CAMK4: variants seen among roughly 807,000 people sequenced by gnomAD.
CAMK4 encodes the protein calcium/calmodulin dependent protein kinase IV, also known as calcium/calmodulin-dependent protein kinase type IV.
A neutral mutation model predicts 44.9 loss-of-function variants in CAMK4; 22 were observed. The ratio of observed to expected loss-of-function variants is 0.49; its 90% CI spans 0.35 to 0.70. The LOEUF is 0.70. CAMK4 is among the 30% of genes least tolerant of loss of function. The pLI is 0.01. For synonymous variants in CAMK4, 218 were observed against 215.4 expected (o/e 1.01, Z -0.11); for missense variants, 498 against 586.8 (o/e 0.85, Z 1.56).
At chr5:111,311,174 G>A (rs747806979) in intron 1 of CAMK4, among the ~76,000 whole-genome samples, 6 of 152,062 alleles carry the variant, frequency 3.9e-5, no homozygotes, top group East Asian at 3.9e-4. Context: ...GCAAGGGAAC[G>A]TGACATCGGT....
intron 8 of CAMK4, among the ~76,000 whole-genome samples, chr5:111,475,771 C>T (rs144476588): frequency 8.5e-5 from 13 of 152,294 alleles, no homozygotes; most frequent in African/African-American, 2.2e-4. Flanking sequence ...TCCACTGGCA[C>T]GGTCGACTGG....
intron 1 of CAMK4, among the ~76,000 whole-genome samples, chr5:111,276,463 G>A (rs553743496): frequency 5.9e-5 from 9 of 152,280 alleles, no homozygotes; most frequent in African/African-American, 1.9e-4. Context: ...ATGGTGACAT[G>A]TGTCTGTAGT....
intron 1 of CAMK4, among the ~76,000 whole-genome samples, chr5:111,292,399 ATATG>A (rs1275910246): frequency 2.6e-5 from 4 of 152,122 alleles, no homozygotes; most frequent in African/African-American, 9.7e-5. Context: ...TTGTGTGTGT[ATATG>A]TATGTGTATA....
At chr5:111,309,456 T>A (rs1407248520) in intron 1 of CAMK4, among the ~76,000 whole-genome samples, 3 of 152,088 alleles carry the variant, frequency 2.0e-5, no homozygotes, top group African/African-American at 7.2e-5. Flanking sequence ...ATGTGCCCAT[T>A]TTTGTTGTTG....
chr5:111,273,758 T>TAC (rs370210104), intron 1 of CAMK4, among the ~76,000 whole-genome samples: 1 of 121,338 alleles, frequency 8.2e-6, no homozygotes, highest in Admixed American at 8.3e-5. Context: ...CACACACACA[T>TAC]ACACACACAC....
chr5:111,374,798 A>G (rs1751149229), intron 2 of CAMK4, 52 bp from the exon 3 acceptor site: 2 of 1,117,964 alleles, frequency 1.8e-6, no homozygotes, highest in Middle Eastern at 2.0e-4. Flanking sequence ...TTTCTCTGCT[A>G]CAATGAAGGG....
chr5:111,301,431 T>G (rs1358713927), intron 1 of CAMK4, among the ~76,000 whole-genome samples: 1 of 152,212 alleles, frequency 6.6e-6, no homozygotes, highest in Non-Finnish European at 1.5e-5. Context: ...GATGAAACAC[T>G]TAGAATGGAG....
intron 8 of CAMK4, among the ~76,000 whole-genome samples, chr5:111,476,293 G>T (rs1755240351): frequency 6.6e-6 from 1 of 150,396 alleles, no homozygotes; most frequent in Non-Finnish European, 1.5e-5. Context: ...GTGTGTGTGT[G>T]TTTTGAGATG....
intron 5 of CAMK4, among the ~76,000 whole-genome samples, chr5:111,408,947 G>C (rs770768188): frequency 6.6e-6 from 1 of 152,162 alleles, no homozygotes; most frequent in Non-Finnish European, 1.5e-5. Context: ...GCTCCCATGG[G>C]CATGGGAAGC....
In CAMK4 at chr5:111,324,326, A is replaced by C. The variant is rs186482771; in HGVS notation, c.162-19698A>C. Among the ~76,000 whole-genome samples, 365 of 152,120 alleles carry C rather than the reference A, an allele frequency of 2.4e-3. 3 individuals carry two copies. The highest frequency in any genetic ancestry group is 8.4e-3 in the African/African-American group (349 of 41,554). ...GGAGATGCACTTTAAATATAAAGAC[A>C]AATAGAATGAAAATAAAAGGATATA... On this transcript the variant is annotated intron_variant, in intron 1 of 10. Coordinates refer to ENST00000282356, the MANE Select transcript of CAMK4 (RefSeq NM_001744.6).
chr5:111,341,029 C>G (rs1388213769), intron 1 of CAMK4, among the ~76,000 whole-genome samples: 1 of 150,788 alleles, frequency 6.6e-6, no homozygotes, highest in Non-Finnish European at 1.5e-5. Flanking sequence ...TCTTAAGACC[C>G]TTTACATTTC....
At chr5:111,228,256 A>AC (rs1202478615) in intron 1 of CAMK4, among the ~76,000 whole-genome samples, 1 of 152,112 alleles carries the variant, frequency 6.6e-6, no homozygotes, top group Non-Finnish European at 1.5e-5. Flanking sequence ...CTATTTTGGA[A>AC]CCTTTTTTTT....
At chr5:111,437,627 G>A (rs1451981664) in intron 5 of CAMK4, among the ~76,000 whole-genome samples, 1 of 152,170 alleles carries the variant, frequency 6.6e-6, no homozygotes, top group African/African-American at 2.4e-5. Context: ...TTTCCCTGAG[G>A]AAGTGACATT....
chr5:111,325,702 C>T (rs188537485), intron 1 of CAMK4, among the ~76,000 whole-genome samples: 5 of 152,022 alleles, frequency 3.3e-5, no homozygotes, highest in Admixed American at 6.6e-5. Context: ...TATTCATATC[C>T]TTCGCCCACT....
chr5:111,420,433 A>C (rs754172393), intron 5 of CAMK4, among the ~76,000 whole-genome samples: 26 of 152,064 alleles, frequency 1.7e-4, no homozygotes, highest in Non-Finnish European at 2.2e-4. Flanking sequence ...CCCTTTATTT[A>C]CTTCTCCTGC....
intron 1 of CAMK4, among the ~76,000 whole-genome samples, chr5:111,301,821 G>T (rs1454159268): frequency 6.6e-6 from 1 of 152,090 alleles, no homozygotes; most frequent in African/African-American, 2.4e-5. Context: ...TTCAACTAAA[G>T]TATAAGCCAT....
chr5:111,361,742 A>G (rs1184073207), intron 2 of CAMK4, among the ~76,000 whole-genome samples: 1 of 152,032 alleles, frequency 6.6e-6, no homozygotes, highest in Non-Finnish European at 1.5e-5. Flanking sequence ...TCTTCAGAAA[A>G]GGTGAGAGAA....
intron 1 of CAMK4, among the ~76,000 whole-genome samples, chr5:111,334,439 C>G (rs1388577674): frequency 6.6e-6 from 1 of 151,354 alleles, no homozygotes; most frequent in East Asian, 2.0e-4. Context: ...AAAGCTGTCC[C>G]AAGAATGGGC....
At chr5:111,467,257 A>G (rs548503915) in intron 7 of CAMK4, among the ~76,000 whole-genome samples, 1 of 151,908 alleles carries the variant, frequency 6.6e-6, no homozygotes, top group South Asian at 2.1e-4. Context: ...CAGAAAAACC[A>G]TCCTGTAAAT....
Sources: gnomAD v4.1 joint callset for allele counts (sites outside exome capture counted in the v4.1 genomes callset) on GRCh38, gnomAD v4.1.1 for gene constraint, MANE v1.5 for transcripts, NCBI Gene and HGNC (gene_info 2026-07-23, HGNC 2026-07-21) for gene names.